Variants in CRYZL1 observed in about 807,000 individuals in gnomAD.
The protein encoded by CRYZL1 is crystallin zeta like 1, also known as ferry endosomal RAB5 effector complex subunit 4.
Under a neutral mutation model 50.6 loss-of-function variants are expected in CRYZL1, and 34 were observed. The observed-to-expected ratio is 0.67, with a 90% CI of 0.51 to 0.89. The LOEUF is 0.89. CRYZL1 is among the 40% of genes least tolerant of loss of function. The pLI, the probability that CRYZL1 is intolerant of heterozygous loss-of-function variation, is 0.00. For synonymous variants in CRYZL1, 125 were observed against 134.3 expected (o/e 0.93, Z 0.48); for missense variants, 354 against 402.3 (o/e 0.88, Z 1.03).
chr21:33,614,960 A>G (rs1484807616), intron 5 of CRYZL1, among the ~76,000 whole-genome samples: 2 of 152,150 alleles, frequency 1.3e-5, no homozygotes, highest in African/African-American at 4.8e-5. Context: ...AATAATACAG[A>G]GTGCCACTGA....
intron 2 of CRYZL1, among the ~76,000 whole-genome samples, chr21:33,627,671 C>T (rs566311607): frequency 2.1e-4 from 32 of 151,190 alleles, no homozygotes; most frequent in Admixed American, 6.6e-4. Flanking sequence ...CAGGTAACTT[C>T]AGCACTCTCT....
intron 1 of CRYZL1, chr21:33,641,225 A>T: frequency 6.4e-7 from 1 of 1,550,670 alleles, no homozygotes; most frequent in Non-Finnish European, 8.7e-7. Context: ...AAGAGGGCCG[A>T]TCTGGCTCAA....
intron 2 of CRYZL1, among the ~76,000 whole-genome samples, chr21:33,630,375 C>T (rs989069874): frequency 1.8e-4 from 27 of 152,220 alleles, no homozygotes; most frequent in African/African-American, 6.3e-4. Flanking sequence ...CACCTGAGGT[C>T]GGGGGTTTGA....
intron 1 of CRYZL1, among the ~76,000 whole-genome samples, chr21:33,633,165 G>C (rs901931739): frequency 6.6e-6 from 1 of 152,116 alleles, no homozygotes; most frequent in Admixed American, 6.5e-5. Flanking sequence ...CCAGTTTGGG[G>C]CTCTTATGAA....
chr21:33,620,039 T>C (rs916381110), intron 4 of CRYZL1, among the ~76,000 whole-genome samples: 1 of 152,232 alleles, frequency 6.6e-6, no homozygotes, highest in Non-Finnish European at 1.5e-5. Flanking sequence ...ACTTATATCC[T>C]AAGCAGTTAG....
At chr21:33,618,060 C>T (rs1252263978) in intron 4 of CRYZL1, among the ~76,000 whole-genome samples, 7 of 151,980 alleles carry the variant, frequency 4.6e-5, no homozygotes, top group Non-Finnish European at 5.9e-5. Context: ...GAGGCCGAGG[C>T]GGGTGGATCA....
intron 1 of CRYZL1, chr21:33,641,381 G>GCAGA (rs1170026221): frequency 6.8e-7 from 1 of 1,479,418 alleles, no homozygotes; most frequent in African/African-American, 1.4e-5. Flanking sequence ...AACCCAACCT[G>GCAGA]GGAGATTAAG....
At chr21:33,630,534 T>G (rs943674971) in intron 2 of CRYZL1, among the ~76,000 whole-genome samples, 19 of 149,538 alleles carry the variant, frequency 1.3e-4, no homozygotes, top group Non-Finnish European at 2.8e-4. Flanking sequence ...TGCAGTGAGG[T>G]GGGATGGCAC....
At chr21:33,601,682 C>T (rs1458140477) in intron 8 of CRYZL1, among the ~76,000 whole-genome samples, 1 of 151,980 alleles carries the variant, frequency 6.6e-6, no homozygotes, top group Non-Finnish European at 1.5e-5. Context: ...TTTGGGAGGC[C>T]AAGGTGGGTG....
chr21:33,609,210 A>G (rs2086844659), intron 6 of CRYZL1, among the ~76,000 whole-genome samples: 1 of 151,862 alleles, frequency 6.6e-6, no homozygotes, highest in South Asian at 2.1e-4. Context: ...CTCCTTCTAT[A>G]TCACTATATT....
chr21:33,608,541 G>A (rs2086837432), intron 6 of CRYZL1, among the ~76,000 whole-genome samples: 1 of 152,084 alleles, frequency 6.6e-6, no homozygotes, highest in Non-Finnish European at 1.5e-5. Flanking sequence ...ATTCTCCCCA[G>A]CCCGCAGCCT....
In CRYZL1 at chr21:33,640,183, T is replaced by C. The variant is rs773409056; in HGVS notation, c.-7+1498A>G. 36 of 1,548,544 alleles carry C rather than the reference T, an allele frequency of 2.3e-5. No individual in the cohort carries two copies. In the South Asian group the frequency reaches 3.3e-4, roughly 14 times the overall value. ...ACTCTCCTGAGCTCAATGTAGTTCA[T>C]TGGGTCTACAAAAAGAGCATAGTTA... On this transcript the variant is annotated intron_variant, in intron 1 of 12. Coordinates refer to ENST00000381554, the MANE Select transcript of CRYZL1 (RefSeq NM_145858.3).
chr21:33,627,779 C>G (rs536658480), intron 2 of CRYZL1, among the ~76,000 whole-genome samples: 1 of 122,942 alleles, frequency 8.1e-6, no homozygotes, highest in South Asian at 2.8e-4. Flanking sequence ...GAGTCTTGCT[C>G]TCCTGCCCAG....
chr21:33,598,113 C>A (rs1478666299), intron 9 of CRYZL1, among the ~76,000 whole-genome samples: 1 of 151,972 alleles, frequency 6.6e-6, no homozygotes, highest in Non-Finnish European at 1.5e-5. Flanking sequence ...GAAAACCAGG[C>A]AAAGTAATGT....
intron 6 of CRYZL1, among the ~76,000 whole-genome samples, chr21:33,610,986 C>T (rs2086867340): frequency 6.6e-6 from 1 of 152,148 alleles, no homozygotes; most frequent in Non-Finnish European, 1.5e-5. Context: ...CCATCTCGGC[C>T]TCCCAAAGTG....
intron 6 of CRYZL1, 27 bp from the exon 7 acceptor site, chr21:33,603,564 TC>T: frequency 6.2e-7 from 1 of 1,612,952 alleles, no homozygotes; most frequent in Non-Finnish European, 8.5e-7. Flanking sequence ...GAAGAAACAA[TC>T]TGTTAGCAAG....
rs895420835 is a variant in CRYZL1 at position 33,594,252 on chromosome 21, C to T, written c.904+1479G>A. 1.0e-4 allele frequency among the ~76,000 whole-genome samples: 15 copies of T among 150,576 alleles called. No individual in the cohort carries two copies. The South Asian group carries it at 1.5e-3, about 15-fold the overall frequency. ...CACTGCAACCTTCACTGCCTGGGTT[C>T]AAGCAATTCCCCTGCCTCAGCCTCT... On this transcript the variant is annotated intron_variant, in intron 11 of 12. Transcript: ENST00000381554.
intron 2 of CRYZL1, among the ~76,000 whole-genome samples, chr21:33,629,656 A>G (rs145096351): frequency 2.0e-5 from 3 of 152,198 alleles, no homozygotes; most frequent in Admixed American, 6.5e-5. Flanking sequence ...TTTTCTATAT[A>G]TAAGATCACG....
At chr21:33,641,021 C>A (rs1342008168) in intron 1 of CRYZL1, among the ~76,000 whole-genome samples, 1 of 151,792 alleles carries the variant, frequency 6.6e-6, no homozygotes, top group East Asian at 1.9e-4. Flanking sequence ...ATGTAGCTAC[C>A]CCAAAATTAA....
Sources: gnomAD v4.1 joint callset for allele counts (sites outside exome capture counted in the v4.1 genomes callset) on GRCh38, gnomAD v4.1.1 for gene constraint, MANE v1.5 for transcripts, NCBI Gene and HGNC (gene_info 2026-07-23, HGNC 2026-07-21) for gene names.